CINP: variants seen among roughly 807,000 people sequenced by gnomAD.
CINP encodes the protein cyclin dependent kinase 2 interacting protein.
Under a neutral mutation model 20.5 loss-of-function variants are expected in CINP, and 11 were observed. The ratio of observed to expected loss-of-function variants is 0.54; its 90% CI spans 0.34 to 0.89. The LOEUF (loss-of-function observed/expected upper bound fraction) is 0.89, where lower values mean the gene tolerates loss of function less well. CINP is among the 40% of genes least tolerant of loss of function. The pLI is 0.02. For missense variants in CINP, 213 were observed against 251.0 expected, an observed-to-expected ratio of 0.85 and a Z score of 1.02; for synonymous variants, 108 against 102.1, an observed-to-expected ratio of 1.06 and a Z score of -0.35.
Position 102,359,450 on chromosome 14 carries a change from T to C in CINP, c.145A>G (p.Asn49Asp). 6.2e-7 allele frequency: 1 copy of C among 1,602,886 alleles called. No homozygotes were observed. The highest frequency in any genetic ancestry group is 8.5e-7 in the Non-Finnish European group (1 of 1,174,386). ...CTGATTTTCAAGTTGGCAATATTAT[T>C]TGCAGTGGTAAAACCTGCATCATTG... ...TLNDAGFTTA[N>D]NIANLKISLL... Residue 49 changes from asparagine to aspartate, a missense_variant, in exon 2 of 5, where the codon AAT (asparagine) becomes GAT (aspartate). Asn to Asp is a conservative substitution (Grantham distance 23). Coordinates refer to ENST00000216756, the MANE Select transcript of CINP (RefSeq NM_032630.3).
intron 2 of CINP, among the ~76,000 whole-genome samples, chr14:102,356,360 A>G (rs1206691595): frequency 2.0e-5 from 3 of 151,878 alleles, no homozygotes; most frequent in Non-Finnish European, 2.9e-5. Flanking sequence ...TCAAGGCTGC[A>G]GTGAGCCATT....
At chr14:102,359,790 T>C (rs1887097372) in intron 1 of CINP, among the ~76,000 whole-genome samples, 1 of 152,216 alleles carries the variant, frequency 6.6e-6, no homozygotes. Context: ...ATTTTAAAAT[T>C]CACCAGATAG....
rs377039070 is a variant in CINP, at chr14:102,355,855, C to A, written c.219G>T (p.Ser73=). The A allele has an allele frequency of 3.1e-6, 5 of 1,614,012 alleles. No homozygotes were observed. Among genetic ancestry groups the A allele is most frequent in the Non-Finnish European group, 4.2e-6 (5 of 1,180,008 alleles). The part of the protein sequence containing the change: ...KIELDSSSPA[S]KENEEKVCLE... ...GACACACCTTTTCTTCATTTTCCTT[C>A]GAGGCTGGGCTGCTGCTGTCTAGTT... Residue 73 remains serine, a synonymous_variant, in exon 3 of 5, where the codon TCG becomes TCT. Coordinates refer to ENST00000216756, the MANE Select transcript of CINP (RefSeq NM_032630.3).
intron 3 of CINP, among the ~76,000 whole-genome samples, chr14:102,352,946 G>C (rs1363051801): frequency 6.6e-6 from 1 of 151,430 alleles, no homozygotes; most frequent in East Asian, 2.0e-4. Flanking sequence ...ACTGCGCCTG[G>C]CCAAAACAAA....
rs1886874026 is a variant in CINP at position 102,351,624 on chromosome 14, C to T, written c.307-1576G>A. On this transcript the variant is annotated intron_variant, in intron 3 of 4. Coordinates refer to ENST00000216756, the MANE Select transcript of CINP (RefSeq NM_032630.3). This position sits in a 1 kb window ranked among gnomAD's most constrained non-coding sequence, Gnocchi z 4.2. ...TATAAATTGTCAAATATCTTAATTCCTTTACTTGGTCCTTCCAACCACCCT... is the reference window on the plus strand; with the variant it reads ...TATAAATTGTCAAATATCTTAATTCTTTTACTTGGTCCTTCCAACCACCCT... Among the ~76,000 whole-genome samples the T allele has an allele frequency of 7.2e-6, 1 of 138,542 alleles. No individual in the cohort carries two copies. The highest frequency in any genetic ancestry group is 2.4e-4 in the South Asian group (1 of 4,240). 90.9% of individuals were successfully genotyped at this position (138,542 alleles called of 152,430 possible).
In CINP at chr14:102,353,976, C is replaced by T. The variant is rs181784432; in HGVS notation, c.306+1792G>A. 1.8e-4 allele frequency among the ~76,000 whole-genome samples: 28 copies of T among 152,268 alleles called. No homozygotes were observed. In the East Asian group the frequency reaches 4.8e-3, roughly 26 times the overall value. ...TGATGGTTCATGCTTGTAGTCCCAG[C>T]TACTCGGGAGGCTGAGGCAAGAAGA... On this transcript the variant is annotated intron_variant, in intron 3 of 4. Coordinates refer to ENST00000216756, the MANE Select transcript of CINP (RefSeq NM_032630.3).
chr14:102,356,761 A>G (rs1887006365), intron 2 of CINP, among the ~76,000 whole-genome samples: 1 of 152,084 alleles, frequency 6.6e-6, no homozygotes, highest in South Asian at 2.1e-4. Flanking sequence ...GTAATCTTTG[A>G]TATTGCTAGT....
At position 102,359,234 on chromosome 14, in the gene CINP, A is replaced by ATATATATATATATATATATATT. The variant is rs1555446401; in HGVS notation, c.176+184_176+185insAATATATATATATATATATATA. On this transcript the variant is annotated intron_variant, in intron 2 of 4. Transcript: ENST00000216756. ...TAAATAAATAAATAACTAAATATAT[A>ATATATATATATATATATATATT]TATATATATATATATATATGGAATA... 4.2e-5 allele frequency among the ~76,000 whole-genome samples: 5 copies of ATATATATATATATATATATATT among 118,496 alleles called. No individual in the cohort carries two copies. In the East Asian group the frequency reaches 1.1e-3, roughly 25 times the overall value. The allele number at this position is 118,496 out of a possible 152,430, so 77.7% of individuals were successfully genotyped here. A position where few individuals can be genotyped will look rare whatever the true frequency, so the allele number is the denominator to read the frequency against.
At chr14:102,356,846 A>T (rs1357937586) in intron 2 of CINP, among the ~76,000 whole-genome samples, 1 of 152,104 alleles carries the variant, frequency 6.6e-6, no homozygotes, top group Non-Finnish European at 1.5e-5. Context: ...GTGTGTTCTG[A>T]CTGCTCCACT....
intron 1 of CINP, among the ~76,000 whole-genome samples, chr14:102,360,195 G>A (rs186709402): frequency 3.7e-4 from 57 of 152,030 alleles, no homozygotes; most frequent in Non-Finnish European, 5.6e-4. Flanking sequence ...AATATCCAGC[G>A]AAAATGAACT....
At chr14:102,355,727 A>G (rs780869152) in intron 3 of CINP, 41 bp downstream of exon 3, 5 of 1,608,772 alleles carry the variant, frequency 3.1e-6, no homozygotes, top group Middle Eastern at 1.7e-4. Flanking sequence ...CATCGGATTC[A>G]GTGACAGTGA....
At chr14:102,359,721 T>A in intron 1 of CINP, 134 bp from the exon 2 acceptor site, 1 of 554,652 alleles carries the variant, frequency 1.8e-6, no homozygotes, top group Non-Finnish European at 3.0e-6. Context: ...ATGTGGAAAC[T>A]ACAAAGTCTG....
chr14:102,362,447 A>G (rs1846031111), intron 1 of CINP: 2 of 675,784 alleles, frequency 3.0e-6, no homozygotes, highest in South Asian at 3.1e-5. Context: ...GGCGAAAGCC[A>G]GCTTTCATTA....
chr14:102,352,694 T>C (rs899730239), intron 3 of CINP: 3 of 386,350 alleles, frequency 7.8e-6, no homozygotes, highest in African/African-American at 4.2e-5. Context: ...AGTCTCACTC[T>C]GTGGCCCAGA....
In CINP at chr14:102,350,023, T is replaced by G. The variant is rs1886830981; in HGVS notation, c.332A>C (p.Lys111Thr). ...GLTKIQVKME[K>T]LSSTTKGICE... ...AATTCCCTTGGTAGTTGAAGACAGCTTTTCCATTTTCACCTGTATTTTGGT... is the reference window on the plus strand; with the variant it reads ...AATTCCCTTGGTAGTTGAAGACAGCGTTTCCATTTTCACCTGTATTTTGGT... The change falls in exon 4 of 5, where the codon AAG becomes ACG. Residue 111 changes from lysine (K) to threonine (T), a missense_variant. Physicochemically the swap from Lys to Thr is moderately conservative, Grantham distance 78. Coordinates refer to ENST00000216756, the MANE Select transcript of CINP (RefSeq NM_032630.3). 6.2e-7 allele frequency: 1 copy of G among 1,613,294 alleles called. No individual in the cohort carries two copies. The highest frequency in any genetic ancestry group is 8.5e-7 in the Non-Finnish European group (1 of 1,179,474).
chr14:102,354,682 A>C (rs762610126), intron 3 of CINP, among the ~76,000 whole-genome samples: 2 of 152,114 alleles, frequency 1.3e-5, no homozygotes, highest in Non-Finnish European at 2.9e-5. Flanking sequence ...GCTTGAACCC[A>C]GGAGGCGGAG....
intron 1 of CINP, among the ~76,000 whole-genome samples, chr14:102,360,195 GA>G (rs1887108318): frequency 6.6e-6 from 1 of 151,912 alleles, no homozygotes; most frequent in Admixed American, 6.6e-5. Flanking sequence ...AATATCCAGC[GA>G]AAATGAACTA....
intron 1 of CINP, among the ~76,000 whole-genome samples, chr14:102,361,638 C>T (rs1887159651): frequency 6.7e-6 from 1 of 149,492 alleles, no homozygotes; most frequent in Admixed American, 6.6e-5. Context: ...GAGACTCCGT[C>T]TCAAAAACAA....
Position 102,348,610 on chromosome 14 carries a change from T to G in CINP, c.586A>C (p.Ser196Arg). 4 of 1,613,920 alleles carry G rather than the reference T, an allele frequency of 2.5e-6. No individual in the cohort carries two copies. The highest frequency in any genetic ancestry group is 3.4e-6 in the Non-Finnish European group (4 of 1,179,948). ...WLHQPYVESD[S>R]RLHLESMLLE... Reference sequence around the variant, plus strand: ...AGCATGCTCTCCAGATGCAGCCTGCTGTCGCTCTCCACATAGGGCTGGTGC... The same window carrying G: ...AGCATGCTCTCCAGATGCAGCCTGCGGTCGCTCTCCACATAGGGCTGGTGC... Residue 196 changes from serine to arginine, a missense_variant, in exon 5 of 5, where the codon AGC (serine) becomes CGC (arginine). Transcript: ENST00000216756.
Sources: gnomAD v4.1 joint callset for allele counts (sites outside exome capture counted in the v4.1 genomes callset) on GRCh38, gnomAD v4.1.1 for gene constraint, Gnocchi (gnomAD v3.1) non-coding constraint, MANE v1.5 for transcripts, NCBI Gene and HGNC (gene_info 2026-07-23, HGNC 2026-07-21) for gene names.